The following CYTH3 variants were observed in gnomAD, a reference collection of about 807,000 sequenced individuals.
CYTH3 encodes cytohesin 3.
Under a neutral mutation model 55.1 loss-of-function variants are expected in CYTH3, and 23 were observed. The observed-to-expected ratio is 0.42, with a 90% CI of 0.30 to 0.59. The LOEUF is 0.59. CYTH3 is among the 20% of genes least tolerant of loss of function. The pLI is 0.20. For synonymous variants in CYTH3, 249 were observed against 194.9 expected (o/e 1.28, Z -2.31); for missense variants, 413 against 524.8 (o/e 0.79, Z 2.08).
chr7:6,174,134 C>G lies in CYTH3; in HGVS notation c.369-401G>C, dbSNP rs1783272484. ...ATTTTATATCCTTTTTTTTTTTGAGCCAGAATTTCACTCTTGTGGCCCAGA... is the reference window on the plus strand; with the variant it reads ...ATTTTATATCCTTTTTTTTTTTGAGGCAGAATTTCACTCTTGTGGCCCAGA... On this transcript the variant is annotated intron_variant, in intron 5 of 12. Transcript: ENST00000350796. Among the ~76,000 whole-genome samples the G allele has an allele frequency of 4.6e-5, 7 of 150,836 alleles. No individual in the cohort carries two copies. The South Asian group carries it at 1.5e-3, about 31-fold the overall frequency.
chr7:6,230,849 GTAA>G (rs981229135), intron 1 of CYTH3, among the ~76,000 whole-genome samples: 1 of 152,172 alleles, frequency 6.6e-6, no homozygotes, highest in Non-Finnish European at 1.5e-5. Context: ...AGGATTATAG[GTAA>G]TGTTTATTTT....
chr7:6,198,357 G>A (rs918759459), intron 1 of CYTH3, among the ~76,000 whole-genome samples: 9 of 139,382 alleles, frequency 6.5e-5, no homozygotes, highest in African/African-American at 2.2e-4. Flanking sequence ...ACACCTAGCT[G>A]TTAGACCAGC....
intron 1 of CYTH3, among the ~76,000 whole-genome samples, chr7:6,192,113 TA>T (rs1783815977): frequency 6.6e-6 from 1 of 152,074 alleles, no homozygotes; most frequent in Admixed American, 6.6e-5. Context: ...AATTAATAAA[TA>T]AAAACTTTAT....
chr7:6,251,733 C>T (rs1427965507), intron 1 of CYTH3, among the ~76,000 whole-genome samples: 1 of 152,128 alleles, frequency 6.6e-6, no homozygotes, highest in Non-Finnish European at 1.5e-5. Context: ...TAAAAAAGAG[C>T]TTCTAAAAAT....
At chr7:6,198,581 T>C (rs1583776323) in intron 1 of CYTH3, among the ~76,000 whole-genome samples, 1 of 152,220 alleles carries the variant, frequency 6.6e-6, no homozygotes, top group South Asian at 2.1e-4. Context: ...GATTCACTTA[T>C]TGACATCATG....
chr7:6,221,269 G>C (rs191679079), intron 1 of CYTH3, among the ~76,000 whole-genome samples: 2 of 152,188 alleles, frequency 1.3e-5, no homozygotes, highest in African/African-American at 4.8e-5. Flanking sequence ...TGGTTGGATT[G>C]TAAGGGCATT....
intron 1 of CYTH3, among the ~76,000 whole-genome samples, chr7:6,205,056 C>T (rs1784152923): frequency 6.6e-6 from 1 of 151,976 alleles, no homozygotes; most frequent in Non-Finnish European, 1.5e-5. Flanking sequence ...GTCCCAGCTA[C>T]TTGGGGGCTG....
chr7:6,184,596 G>C (rs1203096361), intron 4 of CYTH3, among the ~76,000 whole-genome samples: 1 of 151,942 alleles, frequency 6.6e-6, no homozygotes, highest in African/African-American at 2.4e-5. Context: ...TACTTATTTT[G>C]AGAGACAGCC....
At chr7:6,203,810 C>G (rs908814291) in intron 1 of CYTH3, among the ~76,000 whole-genome samples, 2 of 152,000 alleles carry the variant, frequency 1.3e-5, no homozygotes, top group African/African-American at 4.8e-5. Flanking sequence ...GCTCCGCCTC[C>G]TGGGTTCACA....
chr7:6,186,021 G>A (rs1011566191), intron 4 of CYTH3, among the ~76,000 whole-genome samples: 12 of 151,834 alleles, frequency 7.9e-5, no homozygotes, highest in Non-Finnish European at 5.9e-5. Context: ...GAGGCGGGCG[G>A]ATCATGAGGT....
Position 6,168,795 on chromosome 7 carries a change from C to A in CYTH3, c.823+1740G>T, listed in dbSNP as rs556720669. 1.4e-4 allele frequency among the ~76,000 whole-genome samples: 21 copies of A among 152,350 alleles called. No homozygotes were observed. In the South Asian group the frequency reaches 3.9e-3, roughly 29 times the overall value. ...CACACACTTACGTCTCTAGAGCCGA[C>A]CTTTCCCTGGTGGCAGGGGTCACAT... On this transcript the variant is annotated intron_variant, in intron 9 of 12. Coordinates refer to ENST00000350796, the MANE Select transcript of CYTH3 (RefSeq NM_004227.4).
At position 6,170,847 on chromosome 7, in the gene CYTH3, G is replaced by C; in HGVS notation, c.694C>G (p.Pro232Ala). The C allele has an allele frequency of 6.2e-7, 1 of 1,612,532 alleles. No homozygotes were observed. Among genetic ancestry groups the C allele is most frequent in the Non-Finnish European group, 8.5e-7 (1 of 1,179,438 alleles). Residue 232 changes from proline to alanine, a missense_variant, in exon 8 of 13, where the codon CCT becomes GCT. This residue lies in a region of CYTH3 where 156 missense variants were observed against 233.1 expected (regional missense o/e 0.67). Coordinates refer to ENST00000350796, the MANE Select transcript of CYTH3 (RefSeq NM_004227.4). The surrounding 1 kb of genome is among the most constrained non-coding windows in gnomAD (Gnocchi z 7.8). ...GAGCTCACCCTCAGCAGCTCCTCAG[G>C]GAGGTCCCCGCCCTCGTTGATGCCG... ...NRGINEGGDL[P>A]EELLRNLYES...
rs1783190151 is a variant in CYTH3 at position 6,171,423 on chromosome 7, G to T, written c.450-109C>A. The T allele has an allele frequency of 1.2e-5, 11 of 928,820 alleles. No homozygotes were observed. The highest frequency in any genetic ancestry group is 1.8e-5 in the Non-Finnish European group (11 of 596,472). 57.5% of individuals were successfully genotyped at this position (928,820 alleles called of 1,614,324 possible). On this transcript the variant is annotated intron_variant, in intron 6 of 12. Transcript: ENST00000350796. This position sits in a 1 kb window ranked among gnomAD's most constrained non-coding sequence, Gnocchi z 6.7. ...AGGACGTTTTCCTCCCGAGCCTGGG[G>T]TACAGCTCTGGCAGGGGCTTGGGGG... is the stretch of plus-strand genomic sequence containing the variant.
At chr7:6,199,730 A>G (rs1050173777) in intron 1 of CYTH3, among the ~76,000 whole-genome samples, 1 of 152,244 alleles carries the variant, frequency 6.6e-6, no homozygotes, top group Non-Finnish European at 1.5e-5. Flanking sequence ...TAACTATGTG[A>G]GTGAATACTT....
chr7:6,193,303 C>T (rs964820699), intron 1 of CYTH3, among the ~76,000 whole-genome samples: 1 of 151,210 alleles, frequency 6.6e-6, no homozygotes, highest in African/African-American at 2.4e-5. Context: ...CAACAAGAGA[C>T]CTCCATTAGG....
At chr7:6,176,297 T>C (rs1417421038) in intron 5 of CYTH3, among the ~76,000 whole-genome samples, 2 of 142,466 alleles carry the variant, frequency 1.4e-5, no homozygotes, top group South Asian at 2.3e-4. Context: ...AGTCTCACTC[T>C]GTAGCCCAGG....
intron 1 of CYTH3, among the ~76,000 whole-genome samples, chr7:6,196,727 C>A (rs1334398523): frequency 6.6e-6 from 1 of 152,130 alleles, no homozygotes; most frequent in Non-Finnish European, 1.5e-5. Flanking sequence ...TCTCAAAGTG[C>A]TGGGATTACA....
chr7:6,194,330 G>A (rs757191369), intron 1 of CYTH3, among the ~76,000 whole-genome samples: 10 of 152,172 alleles, frequency 6.6e-5, no homozygotes, highest in Non-Finnish European at 1.0e-4. Flanking sequence ...GCACGCATCC[G>A]TAGTCCCAGG....
rs535154331 is a variant in CYTH3 at position 6,167,585 on chromosome 7, C to T, written c.824-1775G>A. Reference sequence around the variant, plus strand: ...CAAAAACGTGGCAATCATGCCCCTCCGGCTTGAAGCCCCCCAAAGGGTCCC... The same window carrying T: ...CAAAAACGTGGCAATCATGCCCCTCTGGCTTGAAGCCCCCCAAAGGGTCCC... On this transcript the variant is annotated intron_variant, in intron 9 of 12. Transcript: ENST00000350796. The surrounding 1 kb of genome is among the most constrained non-coding windows in gnomAD (Gnocchi z 5.5). Among the ~76,000 whole-genome samples, 1 of 152,372 alleles carries T rather than the reference C, an allele frequency of 6.6e-6. No individual in the cohort carries two copies. The highest frequency in any genetic ancestry group is 1.9e-4 in the East Asian group (1 of 5,186).
Sources: allele counts gnomAD v4.1 joint callset (sites outside exome capture counted in the v4.1 genomes callset), GRCh38; gene constraint gnomAD v4.1.1; regional missense constraint gnomAD v4.1.1; non-coding constraint Gnocchi (gnomAD v3.1); transcripts MANE v1.5; gene names NCBI Gene and HGNC (gene_info 2026-07-23, HGNC 2026-07-21).